FSTL4: variants seen among roughly 807,000 people sequenced by gnomAD.
FSTL4 encodes the protein follistatin like 4, also known as follistatin-related protein 4.
A neutral mutation model predicts 78.2 loss-of-function variants in FSTL4; 28 were observed. The ratio of observed to expected loss-of-function variants is 0.36; its 90% CI spans 0.27 to 0.49. The LOEUF is 0.49. Ranked by LOEUF, FSTL4 falls within the 20% of genes least tolerant of loss-of-function variation. The pLI is 0.98. For missense variants in FSTL4, 922 were observed against 1,084.9 expected (o/e 0.85, Z 2.11); for synonymous variants, 422 against 440.5 (o/e 0.96, Z 0.53).
the FSTL4 span, among the ~76,000 whole-genome samples, chr5:133,761,857 C>T: frequency 1.3e-5 from 2 of 152,140 alleles, no homozygotes; most frequent in African/African-American, 2.4e-5. Flanking sequence ...CTAGTGAAGA[C>T]ATTATGTTAT....
the FSTL4 span, among the ~76,000 whole-genome samples, chr5:133,686,408 C>T: frequency 2.0e-5 from 3 of 152,368 alleles, no homozygotes; most frequent in South Asian, 6.2e-4. Flanking sequence ...TTATAAAATG[C>T]TCACATTGTG....
chr5:133,332,223 G>C (rs528951758), intron 4 of FSTL4, among the ~76,000 whole-genome samples: 1 of 152,196 alleles, frequency 6.6e-6, no homozygotes, highest in Non-Finnish European at 1.5e-5. Flanking sequence ...CCTGAACACC[G>C]GGAAAGGAGC....
At chr5:133,785,481 TC>T in the FSTL4 span, among the ~76,000 whole-genome samples, 2 of 152,170 alleles carry the variant, frequency 1.3e-5, no homozygotes, top group African/African-American at 4.8e-5. Context: ...CCAGTACTCT[TC>T]AAGGATGGAG....
At chr5:133,636,048 G>A in the FSTL4 span, among the ~76,000 whole-genome samples, 2 of 152,160 alleles carry the variant, frequency 1.3e-5, no homozygotes, top group African/African-American at 2.4e-5. Flanking sequence ...GGCCCAGGTC[G>A]GCACCTGGCC....
chr5:133,459,152 A>T (rs369927485), intron 3 of FSTL4, among the ~76,000 whole-genome samples: 1 of 152,188 alleles, frequency 6.6e-6, no homozygotes, highest in African/African-American at 2.4e-5. Context: ...AACTGCAGAG[A>T]TTCCACTGTT....
At chr5:133,450,702 T>A (rs2127010287) in intron 3 of FSTL4, among the ~76,000 whole-genome samples, 1 of 152,356 alleles carries the variant, frequency 6.6e-6, no homozygotes, top group Non-Finnish European at 1.5e-5. Flanking sequence ...GAGATGGTAC[T>A]TTTCCCAGTT....
At chr5:133,285,092 T>G (rs115699001) in intron 6 of FSTL4, among the ~76,000 whole-genome samples, 2,377 of 152,302 alleles carry the variant, frequency 0.016, 24 homozygotes, top group Non-Finnish European at 0.024. Context: ...AACATGGCAT[T>G]GAGTCAATAG....
the FSTL4 span, among the ~76,000 whole-genome samples, chr5:133,647,359 G>A: frequency 6.6e-6 from 1 of 152,044 alleles, no homozygotes; most frequent in African/African-American, 2.4e-5. Context: ...CTCAAACATA[G>A]GATTATGAGA....
At chr5:133,420,703 C>G (rs769334804) in intron 3 of FSTL4, among the ~76,000 whole-genome samples, 9 of 152,204 alleles carry the variant, frequency 5.9e-5, no homozygotes, top group Non-Finnish European at 1.3e-4. Context: ...GCTTCTAACA[C>G]AGGAGAGGGT....
chr5:133,217,350 T>C lies in FSTL4; in HGVS notation c.1487A>G (p.Asn496Ser), dbSNP rs1750943503. 4 of 1,613,844 alleles carry C rather than the reference T, an allele frequency of 2.5e-6. No homozygotes were observed. Among genetic ancestry groups the C allele is most frequent in the Non-Finnish European group, 3.4e-6 (4 of 1,179,728 alleles). ...YEEICPQREK[N>S]ATQPCQWVSA... ...TACCCACTGGCAGGGCTGGGTTGCA[T>C]TTTTTTCTCTTTGAGGACAGATTTC... The change falls in exon 13 of 16, where the codon AAT (asparagine) becomes AGT (serine). Residue 496 changes from asparagine to serine, a missense_variant. Asn to Ser is a conservative substitution (Grantham distance 46, BLOSUM62 1). Transcript: ENST00000265342.
the FSTL4 span, among the ~76,000 whole-genome samples, chr5:133,806,677 G>C: frequency 2.0e-5 from 3 of 152,204 alleles, no homozygotes; most frequent in African/African-American, 7.2e-5. Flanking sequence ...CCAGAGCTGA[G>C]CGGATGGAGG....
chr5:133,717,236 T>C, the FSTL4 span, among the ~76,000 whole-genome samples: 6 of 152,224 alleles, frequency 3.9e-5, no homozygotes, highest in African/African-American at 1.2e-4. Context: ...ATCCATATGA[T>C]GGAATACTAT....
At chr5:133,667,831 T>G in the FSTL4 span, among the ~76,000 whole-genome samples, 4 of 152,242 alleles carry the variant, frequency 2.6e-5, no homozygotes, top group Admixed American at 6.5e-5. Flanking sequence ...ACAGACTCCA[T>G]AGGGACAGGG....
At chr5:133,458,574 T>C (rs1422851072) in intron 3 of FSTL4, among the ~76,000 whole-genome samples, 1 of 152,246 alleles carries the variant, frequency 6.6e-6, no homozygotes, top group Non-Finnish European at 1.5e-5. Flanking sequence ...AGAGGTGCCC[T>C]GGGGTTGGAA....
the FSTL4 span, among the ~76,000 whole-genome samples, chr5:133,688,591 C>A: frequency 1.3e-5 from 2 of 152,242 alleles, no homozygotes; most frequent in African/African-American, 2.4e-5. Flanking sequence ...CTGTTCTCAA[C>A]CCAGTCATTC....
At chr5:133,277,399 C>T (rs1012974499) in intron 6 of FSTL4, among the ~76,000 whole-genome samples, 3 of 151,868 alleles carry the variant, frequency 2.0e-5, no homozygotes, top group Admixed American at 6.6e-5. Flanking sequence ...GGAAGGAGGG[C>T]GTCTGAGGTG....
At chr5:133,836,325 C>T in the FSTL4 span, among the ~76,000 whole-genome samples, 6 of 152,132 alleles carry the variant, frequency 3.9e-5, no homozygotes, top group African/African-American at 1.4e-4. Context: ...CATCGTTTTA[C>T]AAATCTTATA....
intron 4 of FSTL4, among the ~76,000 whole-genome samples, chr5:133,396,490 C>T (rs1470045255): frequency 1.3e-5 from 2 of 152,222 alleles, no homozygotes; most frequent in Non-Finnish European, 2.9e-5. Flanking sequence ...TACACTAAAT[C>T]CCCTATCAAT....
At chr5:133,710,984 C>G in the FSTL4 span, among the ~76,000 whole-genome samples, 1 of 152,212 alleles carries the variant, frequency 6.6e-6, no homozygotes, top group South Asian at 2.1e-4. Flanking sequence ...GGGGAAACCT[C>G]CGTCTCTAGT....
Sources: allele counts gnomAD v4.1 joint callset (sites outside exome capture counted in the v4.1 genomes callset), GRCh38; gene constraint gnomAD v4.1.1; transcripts MANE v1.5; gene names NCBI Gene and HGNC (gene_info 2026-07-23, HGNC 2026-07-21).